RALGAPB: variants seen among roughly 807,000 people sequenced by gnomAD.
RALGAPB encodes Ral GTPase activating protein non-catalytic subunit beta.
A neutral mutation model predicts 161.1 loss-of-function variants in RALGAPB; 25 were observed. That is an observed-to-expected ratio of 0.16 (90% CI 0.11 to 0.22). The LOEUF is 0.22. Among genes scored for constraint, RALGAPB ranks in the 10% least tolerant of loss-of-function variants. The pLI, the probability that RALGAPB is intolerant of heterozygous loss-of-function variation, is 1.00. For missense variants in RALGAPB, 1,391 were observed against 1,815.2 expected (o/e 0.77, Z 4.25); for synonymous variants, 629 against 626.1 (o/e 1.00, Z -0.07).
chr20:38,549,457 G>A (rs985098474), intron 20 of RALGAPB, among the ~76,000 whole-genome samples: 1 of 150,250 alleles, frequency 6.7e-6, no homozygotes, highest in Non-Finnish European at 1.5e-5. Flanking sequence ...CCAAACTTCT[G>A]TCTTCAAGTG....
intron 19 of RALGAPB, chr20:38,546,831 T>TACA: frequency 6.0e-6 from 1 of 167,340 alleles, no homozygotes; most frequent in South Asian, 1.6e-4. Context: ...GAGTTATCTT[T>TACA]ACCTGCCCCT....
intron 1 of RALGAPB, among the ~76,000 whole-genome samples, chr20:38,474,550 A>G (rs1162975441): frequency 2.4e-4 from 37 of 152,052 alleles, no homozygotes; most frequent in African/African-American, 4.8e-5. Context: ...TAGTGGTGGG[A>G]TTACAGATGC....
chr20:38,553,801 A>AAG, intron 21 of RALGAPB, 66 bp from the exon 22 acceptor site: 3 of 861,968 alleles, frequency 3.5e-6, no homozygotes, highest in South Asian at 1.8e-5. Flanking sequence ...AAAAAAAAAA[A>AAG]CACTTAAGAT....
intron 25 of RALGAPB, 69 bp from the exon 26 acceptor site, chr20:38,567,023 ATAAT>A: frequency 6.5e-7 from 1 of 1,534,018 alleles, no homozygotes; most frequent in Non-Finnish European, 8.8e-7. Context: ...ACTGGTGAGC[ATAAT>A]TAGTTTTAAC....
intron 1 of RALGAPB, among the ~76,000 whole-genome samples, chr20:38,480,410 G>A (rs1326579112): frequency 8.5e-6 from 1 of 118,146 alleles, no homozygotes; most frequent in Non-Finnish European, 1.6e-5. Context: ...TTTTTGAGAT[G>A]GAGTCTCGCT....
In RALGAPB at chr20:38,521,663, G is replaced by C; in HGVS notation, c.1584G>C (p.Lys528Asn). ...TGTGTAGGATTTTTTGTAGCAAGAA[G>C]ACTGGAGAAGAGATTCTGCCAGCTT... ...GTLCRIFCSK[K>N]TGEEILPAYL... Residue 528 changes from lysine (K) to asparagine (N), a missense_variant, in exon 10 of 30, where the codon AAG (lysine) becomes AAC (asparagine). Physicochemically the swap from Lys to Asn is moderately conservative, Grantham distance 94. Around this residue, in one of 3 missense-constraint regions of RALGAPB, gnomAD observed 946 missense variants for 1,257.2 expected, o/e 0.75. Transcript: ENST00000262879. 6.2e-7 allele frequency: 1 copy of C among 1,614,160 alleles called. No homozygotes were observed. The highest frequency in any genetic ancestry group is 8.5e-7 in the Non-Finnish European group (1 of 1,180,004).
At position 38,578,151 on chromosome 20, in the gene RALGAPB, G is replaced by T. The variant is rs946066307; in HGVS notation, c.*3184G>T. 4 of 152,210 alleles carry T rather than the reference G, an allele frequency of 2.6e-5. No homozygotes were observed. Among genetic ancestry groups the T allele is most frequent in the Non-Finnish European group, 2.9e-5 (2 of 68,036 alleles). 9.4% of individuals were successfully genotyped at this position (152,210 alleles called of 1,614,324 possible). On this transcript the variant is annotated 3_prime_UTR_variant, in exon 30 of 30. Coordinates refer to ENST00000262879, the MANE Select transcript of RALGAPB (RefSeq NM_020336.4). Reference sequence around the variant, plus strand: ...ATTCACCATTTTAAAGCCCATTCAGGTTCTCTCTTCCTGAAAAGAACTGAT... The same window carrying T: ...ATTCACCATTTTAAAGCCCATTCAGTTTCTCTCTTCCTGAAAAGAACTGAT...
At chr20:38,489,818 G>A (rs966135395) in intron 2 of RALGAPB, among the ~76,000 whole-genome samples, 3 of 152,138 alleles carry the variant, frequency 2.0e-5, no homozygotes, top group Non-Finnish European at 4.4e-5. Flanking sequence ...TCTCTTCAGA[G>A]GACCCTAGAT....
rs187759509 is a variant in RALGAPB, at chr20:38,481,046, C to T, written c.-30-7357C>T. On this transcript the variant is annotated intron_variant, in intron 1 of 29. Transcript: ENST00000262879. ...CCACTGTACCCGGCCTCATCTGCCC[C>T]TTTTTACCCTCAGTCTTATCACCTC... Among the ~76,000 whole-genome samples the T allele has an allele frequency of 1.1e-4, 16 of 152,080 alleles. 2 individuals are homozygous for T. In the East Asian group the frequency reaches 2.7e-3, roughly 26 times the overall value.
rs2088505046 is a variant in RALGAPB, at chr20:38,578,123, T to C, written c.*3156T>C. The C allele has an allele frequency of 6.6e-6, 1 of 152,242 alleles. No homozygotes were observed. The highest frequency in any genetic ancestry group is 6.5e-5 in the Admixed American group (1 of 15,284). The allele number at this position is 152,242 out of a possible 1,614,324, so 9.4% of individuals were successfully genotyped here. ...TTGACACTGCTGCTGGCAGTAGTTC[T>C]CTATTCACCATTTTAAAGCCCATTC... On this transcript the variant is annotated 3_prime_UTR_variant, in exon 30 of 30. Transcript: ENST00000262879.
intron 12 of RALGAPB, 144 bp from the exon 13 acceptor site, chr20:38,525,751 T>C (rs2049825937): frequency 2.3e-6 from 2 of 883,944 alleles, no homozygotes. Flanking sequence ...ATTAACATAT[T>C]GTTAGTGACA....
intron 17 of RALGAPB, 48 bp downstream of exon 17, chr20:38,540,006 C>A: frequency 6.6e-7 from 1 of 1,517,414 alleles, no homozygotes; most frequent in Non-Finnish European, 9.0e-7. Context: ...AAAATGTATG[C>A]TAGCAAAATG....
chr20:38,525,069 C>T (rs986513643), intron 11 of RALGAPB, 124 bp downstream of exon 11: 7 of 964,824 alleles, frequency 7.3e-6, no homozygotes, highest in Non-Finnish European at 1.6e-6. Context: ...ACTCAGGCGA[C>T]ATTAAATGAG....
intron 9 of RALGAPB, 47 bp from the exon 10 acceptor site, chr20:38,521,450 A>T: frequency 1.2e-6 from 2 of 1,610,488 alleles, no homozygotes; most frequent in East Asian, 4.5e-5. Flanking sequence ...CCATGAGCCT[A>T]CGTGGCATAT....
At chr20:38,503,931 C>T (rs574808760) in intron 5 of RALGAPB, among the ~76,000 whole-genome samples, 28 of 152,156 alleles carry the variant, frequency 1.8e-4, no homozygotes, top group South Asian at 4.2e-4. Flanking sequence ...CTCTAGATGA[C>T]GCAAACAAAT....
At chr20:38,494,824 T>C (rs113107668) in intron 3 of RALGAPB, among the ~76,000 whole-genome samples, 25 of 152,370 alleles carry the variant, frequency 1.6e-4, no homozygotes, top group African/African-American at 5.0e-4. Context: ...CTTTCCTCTT[T>C]GTAAGCCTAC....
chr20:38,563,735 T>A (rs1460077250), intron 24 of RALGAPB, among the ~76,000 whole-genome samples: 1 of 152,252 alleles, frequency 6.6e-6, no homozygotes, highest in Non-Finnish European at 1.5e-5. Flanking sequence ...CCTTAGATTT[T>A]AAAGATAATT....
At chr20:38,557,205 C>T (rs996377314) in intron 22 of RALGAPB, among the ~76,000 whole-genome samples, 8 of 152,116 alleles carry the variant, frequency 5.3e-5, no homozygotes, top group Admixed American at 1.3e-4. Flanking sequence ...AATGTGTAGA[C>T]TTAATTTTTT....
At chr20:38,548,918 G>C in intron 20 of RALGAPB, 123 bp downstream of exon 20, 1 of 775,374 alleles carries the variant, frequency 1.3e-6, no homozygotes, top group Non-Finnish European at 2.2e-6. Context: ...CTCAGTCAGT[G>C]GGTTCATATC....
Sources: allele counts gnomAD v4.1 joint callset (sites outside exome capture counted in the v4.1 genomes callset), GRCh38; gene constraint gnomAD v4.1.1; regional missense constraint gnomAD v4.1.1; transcripts MANE v1.5; gene names NCBI Gene and HGNC (gene_info 2026-07-23, HGNC 2026-07-21).